The following CFAP99 variants were observed in gnomAD, a reference collection of about 807,000 sequenced individuals.
The protein encoded by CFAP99 is cilia- and flagella-associated protein 99.
CFAP99 carries 84 observed loss-of-function variants against 82.7 expected under a neutral mutation model. The observed-to-expected ratio is 1.02, with a 90% confidence interval of 0.85 to 1.22. CFAP99 has a LOEUF of 1.22. Among genes scored for constraint, CFAP99 ranks in the 50% most tolerant of loss-of-function variants. CFAP99 has a pLI of 0.00. For missense variants in CFAP99, 1,059 were observed against 983.5 expected (o/e 1.08, Z -1.03); for synonymous variants, 456 against 429.5 (o/e 1.06, Z -0.76).
At chr4:2,436,948 C>G (rs1002644146) in exon 3 of CFAP99, 1 of 1,536,070 alleles carries the variant, frequency 6.5e-7, no homozygotes, top group Admixed American at 2.0e-5. Flanking sequence ...AGCTGCTGAC[C>G]GTCGTGGTGG....
At chr4:2,442,980 AG>A in intron 4 of CFAP99, 149 bp from the exon 5 acceptor site, 2 of 376,450 alleles carry the variant, frequency 5.3e-6, no homozygotes, top group South Asian at 2.9e-5. Flanking sequence ...GGGGGCAGGG[AG>A]CTCACTGGGG....
intron 1 of CFAP99, among the ~76,000 whole-genome samples, chr4:2,422,958 C>G (rs1733613274): frequency 2.0e-5 from 3 of 152,194 alleles, no homozygotes; most frequent in Admixed American, 2.0e-4. Flanking sequence ...AGGCGTGCCA[C>G]CACACCTGAG....
intron 2 of CFAP99, chr4:2,429,369 G>C (rs1229700490): frequency 6.6e-6 from 1 of 152,224 alleles, no homozygotes; most frequent in Non-Finnish European, 1.5e-5. Flanking sequence ...CAGATTATTA[G>C]TGGTAGATGA....
At chr4:2,459,944 G>C in intron 13 of CFAP99, 93 bp from the exon 14 acceptor site, 1 of 1,145,426 alleles carries the variant, frequency 8.7e-7, no homozygotes, top group Non-Finnish European at 1.3e-6. Context: ...AGGTGGGCAA[G>C]GGGTGGGCCT....
rs1734130331 is a variant in CFAP99 at position 2,445,122 on chromosome 4, G to A, written c.465-9G>A. 4 of 1,344,512 alleles carry A rather than the reference G, an allele frequency of 3.0e-6. No homozygotes were observed. Among genetic ancestry groups the A allele is most frequent in the Non-Finnish European group, 3.8e-6 (4 of 1,050,812 alleles). The allele number at this position is 1,344,512 out of a possible 1,614,324, so 83.3% of individuals were successfully genotyped here. On this transcript the variant is annotated splice_polypyrimidine_tract_variant and intron_variant, in intron 5 of 14. Transcript: ENST00000635017. ...GACCATAAGAGGTGTTTCCACTTTT[G>A]CCTTCAAGATGGCAGCCAGAGGTCC...
At chr4:2,456,957 T>C (rs867039292) in intron 11 of CFAP99, among the ~76,000 whole-genome samples, 36 of 149,566 alleles carry the variant, frequency 2.4e-4, no homozygotes, top group African/African-American at 8.9e-4. Context: ...ATACTTTTTT[T>C]TTTTTTTTTT....
intron 2 of CFAP99, among the ~76,000 whole-genome samples, chr4:2,431,598 G>A (rs2108714625): frequency 6.6e-6 from 1 of 152,226 alleles, no homozygotes; most frequent in Non-Finnish European, 1.5e-5. Flanking sequence ...TTTCAATGTG[G>A]ATTGCCAGTT....
chr4:2,436,727 A>T, intron 2 of CFAP99, 147 bp from the exon 3 acceptor site: 1 of 627,242 alleles, frequency 1.6e-6, no homozygotes, highest in Non-Finnish European at 2.8e-6. Flanking sequence ...GTGGGGAGGC[A>T]CTGCCAGCTG....
chr4:2,436,246 T>C (rs1287555785), intron 2 of CFAP99, among the ~76,000 whole-genome samples: 2 of 152,070 alleles, frequency 1.3e-5, no homozygotes, highest in Non-Finnish European at 2.9e-5. Flanking sequence ...TGCACCACCA[T>C]ACCCGGCTAA....
At chr4:2,422,423 T>C (rs1309835775) in intron 1 of CFAP99, among the ~76,000 whole-genome samples, 3 of 152,166 alleles carry the variant, frequency 2.0e-5, no homozygotes, top group African/African-American at 7.2e-5. Flanking sequence ...AGTTCATTCC[T>C]ACCAGGTCCG....
chr4:2,425,712 G>A (rs962150628), intron 1 of CFAP99, among the ~76,000 whole-genome samples: 8 of 152,252 alleles, frequency 5.3e-5, no homozygotes, highest in Non-Finnish European at 8.8e-5. Flanking sequence ...GACAGGCCCC[G>A]CCTCCTCTGA....
chr4:2,438,059 C>T lies in CFAP99; in HGVS notation c.257-11C>T. ...CGTCCCTTAGCCTCTGACAGACCCCCTGTTTTCTAGTGATCTGCTACCTAG... is the reference window on the plus strand; with the variant it reads ...CGTCCCTTAGCCTCTGACAGACCCCTTGTTTTCTAGTGATCTGCTACCTAG... On this transcript the variant is annotated splice_polypyrimidine_tract_variant and intron_variant, in intron 3 of 14. Coordinates refer to ENST00000635017, the Ensembl canonical transcript of CFAP99. 1.3e-6 allele frequency: 2 copies of T among 1,510,034 alleles called. No individual in the cohort carries two copies. Among genetic ancestry groups the T allele is most frequent in the Non-Finnish European group, 1.8e-6 (2 of 1,123,546 alleles). The allele number at this position is 1,510,034 out of a possible 1,614,324, so 93.5% of individuals were successfully genotyped here.
chr4:2,451,278 G>A, exon 10 of CFAP99: 2 of 1,536,032 alleles, frequency 1.3e-6, no homozygotes, highest in East Asian at 4.9e-5. Context: ...ACAACATCCT[G>A]GTCAAGCTGA....
At chr4:2,457,495 GC>G (rs1269656757) in intron 11 of CFAP99, among the ~76,000 whole-genome samples, 5 of 152,224 alleles carry the variant, frequency 3.3e-5, no homozygotes, top group Non-Finnish European at 7.3e-5. Flanking sequence ...CCACAGCAGG[GC>G]CCAAGGATGC....
exon 6 of CFAP99, chr4:2,445,141 G>C: frequency 7.3e-7 from 1 of 1,363,384 alleles, no homozygotes; most frequent in Non-Finnish European, 9.4e-7. Flanking sequence ...ATGGCAGCCA[G>C]AGGTCCAGGA....
In CFAP99 at chr4:2,454,050, G is replaced by A. The variant is rs772686075; in HGVS notation, c.1161+1704G>A. Reference sequence around the variant, plus strand: ...GTCTTGCTCTGTCGCCCGGGCTGGAGTGCAGTGGCATGATCATGGCTCACT... The same window carrying A: ...GTCTTGCTCTGTCGCCCGGGCTGGAATGCAGTGGCATGATCATGGCTCACT... On this transcript the variant is annotated intron_variant, in intron 11 of 14. Coordinates refer to ENST00000635017, the Ensembl canonical transcript of CFAP99. Among the ~76,000 whole-genome samples the A allele has an allele frequency of 9.7e-4, 147 of 152,168 alleles. 3 individuals carry two copies. The highest frequency in any genetic ancestry group is 3.4e-3 in the Middle Eastern group (1 of 294).
chr4:2,430,398 G>A (rs111452825), intron 2 of CFAP99, among the ~76,000 whole-genome samples: 1 of 30,126 alleles, frequency 3.3e-5, no homozygotes. Flanking sequence ...GGCAGACTCC[G>A]GACAGCGGAC....
Position 2,459,693 on chromosome 4 carries a change from G to A in CFAP99, c.1456-344G>A, listed in dbSNP as rs550517738. Among the ~76,000 whole-genome samples, 22 of 152,342 alleles carry A rather than the reference G, an allele frequency of 1.4e-4. No individual in the cohort carries two copies. In the South Asian group the frequency reaches 1.9e-3, roughly 13 times the overall value. ...GAGGGGCCAGGCCTCAGAGGAGTGC[G>A]GGGAGCCAGCTGCAGGGCCTGGCCC... On this transcript the variant is annotated intron_variant, in intron 13 of 14. Coordinates refer to ENST00000635017, the Ensembl canonical transcript of CFAP99.
intron 5 of CFAP99, 139 bp downstream of exon 5, chr4:2,443,381 A>G: frequency 1.6e-6 from 1 of 638,336 alleles, no homozygotes; most frequent in South Asian, 1.8e-5. Context: ...CCGTGTTCGG[A>G]TGAGATCTTC....
Sources: gnomAD v4.1 joint callset for allele counts (sites outside exome capture counted in the v4.1 genomes callset) on GRCh38, gnomAD v4.1.1 for gene constraint, MANE v1.5 for transcripts, NCBI Gene and HGNC (gene_info 2026-07-23, HGNC 2026-07-21) for gene names.